BMPR1B: variants seen among roughly 807,000 people sequenced by gnomAD.
BMPR1B encodes bone morphogenetic protein receptor type-1B.
A neutral mutation model predicts 59.1 loss-of-function variants in BMPR1B; 12 were observed. The ratio of observed to expected loss-of-function variants is 0.20; its 90% CI spans 0.13 to 0.33. The LOEUF is 0.33. Ranked by LOEUF, BMPR1B falls within the 10% of genes least tolerant of loss-of-function variation. BMPR1B has a pLI of 1.00. For missense variants in BMPR1B, 550 were observed against 610.9 expected (o/e 0.90, Z 1.05); for synonymous variants, 237 against 207.3 (o/e 1.14, Z -1.23).
chr4:95,094,599 C>G (rs1333193257), intron 3 of BMPR1B, among the ~76,000 whole-genome samples: 1 of 152,070 alleles, frequency 6.6e-6, no homozygotes, highest in African/African-American at 2.4e-5. Context: ...GATTTCTCCT[C>G]CACCCCACTG....
At chr4:94,962,484 G>A (rs6823752) in intron 2 of BMPR1B, among the ~76,000 whole-genome samples, 82,679 of 151,700 alleles carry the variant, frequency 0.55, 23,291 homozygotes, top group African/African-American at 0.66. Flanking sequence ...TTTTCTCTCC[G>A]CTACCCTTGC....
chr4:94,813,318 C>T (rs367674832), intron 1 of BMPR1B, among the ~76,000 whole-genome samples: 3 of 152,076 alleles, frequency 2.0e-5, no homozygotes, highest in Non-Finnish European at 2.9e-5. Flanking sequence ...TTAAAAAAAT[C>T]GAGAACGGCC....
chr4:94,846,264 A>G (rs1246029559), intron 1 of BMPR1B, among the ~76,000 whole-genome samples: 1 of 152,346 alleles, frequency 6.6e-6, no homozygotes, highest in Middle Eastern at 3.4e-3. Flanking sequence ...ATCTCTATGC[A>G]GAAGAATGAA....
At chr4:95,021,900 A>G (rs1220344043) in intron 3 of BMPR1B, among the ~76,000 whole-genome samples, 2 of 152,230 alleles carry the variant, frequency 1.3e-5, no homozygotes, top group Non-Finnish European at 2.9e-5. Context: ...GCTTAGCTCA[A>G]AATTAATAGG....
chr4:94,975,970 G>A (rs534271381), intron 2 of BMPR1B, among the ~76,000 whole-genome samples: 181 of 152,186 alleles, frequency 1.2e-3, no homozygotes, highest in Non-Finnish European at 1.9e-3. Flanking sequence ...ACAATTTTAC[G>A]ATCTTTTCCA....
chr4:94,758,308 G>A (rs1269859493), intron 1 of BMPR1B, among the ~76,000 whole-genome samples: 1 of 151,090 alleles, frequency 6.6e-6, no homozygotes, highest in East Asian at 1.9e-4. Flanking sequence ...GGGTCAGGCG[G>A]TGGCCGCCTC....
At chr4:94,925,189 A>G (rs1027255691) in intron 2 of BMPR1B, among the ~76,000 whole-genome samples, 4 of 152,140 alleles carry the variant, frequency 2.6e-5, no homozygotes, top group African/African-American at 9.7e-5. Context: ...GACATTAAGA[A>G]TATGGATTCC....
chr4:94,913,181 A>G (rs1039342800), intron 2 of BMPR1B, among the ~76,000 whole-genome samples: 5 of 152,174 alleles, frequency 3.3e-5, no homozygotes, highest in Admixed American at 6.6e-5. Context: ...CAAGTGGGCA[A>G]CATATATGTA....
intron 2 of BMPR1B, among the ~76,000 whole-genome samples, chr4:94,931,173 C>T (rs1159090807): frequency 6.6e-6 from 1 of 152,084 alleles, no homozygotes; most frequent in African/African-American, 2.4e-5. Context: ...TTCTCCTCCT[C>T]TATTGAAAAT....
intron 3 of BMPR1B, among the ~76,000 whole-genome samples, chr4:95,085,299 G>A (rs1221802075): frequency 1.3e-5 from 2 of 152,138 alleles, no homozygotes; most frequent in Non-Finnish European, 2.9e-5. Context: ...TCGCTCCCCT[G>A]AGACAGCAAG....
intron 8 of BMPR1B, among the ~76,000 whole-genome samples, chr4:95,128,379 G>A (rs140973082): frequency 0.016 from 2,483 of 152,272 alleles, 26 homozygotes; most frequent in Non-Finnish European, 0.025. Context: ...TGCTGATCAG[G>A]TGTTATAAGA....
intron 3 of BMPR1B, among the ~76,000 whole-genome samples, chr4:95,018,206 A>G (rs541255764): frequency 7.2e-5 from 11 of 152,166 alleles, no homozygotes; most frequent in Non-Finnish European, 8.8e-5. Flanking sequence ...ATTTGCTGAT[A>G]ATTTGCATTT....
chr4:95,046,124 C>G (rs996138472), intron 3 of BMPR1B, among the ~76,000 whole-genome samples: 3 of 152,024 alleles, frequency 2.0e-5, no homozygotes, highest in African/African-American at 7.2e-5. Flanking sequence ...AGGCTAGTCT[C>G]GAACCCCTGG....
chr4:94,966,060 C>A (rs758122706), intron 2 of BMPR1B, among the ~76,000 whole-genome samples: 1 of 152,106 alleles, frequency 6.6e-6, no homozygotes, highest in Non-Finnish European at 1.5e-5. Context: ...GCTTTGCATA[C>A]CCTTAGTTTA....
intron 4 of BMPR1B, among the ~76,000 whole-genome samples, chr4:95,111,689 G>A (rs982610173): frequency 1.3e-5 from 2 of 151,962 alleles, no homozygotes; most frequent in South Asian, 2.1e-4. Flanking sequence ...GCAAGTGTAT[G>A]TTCACCTGGG....
intron 1 of BMPR1B, among the ~76,000 whole-genome samples, chr4:94,772,435 A>T (rs1372709667): frequency 6.6e-6 from 1 of 152,188 alleles, no homozygotes; most frequent in African/African-American, 2.4e-5. Flanking sequence ...AAAGCCAAGG[A>T]GTTATGAGGA....
chr4:94,929,931 T>C (rs1371465545), intron 2 of BMPR1B, among the ~76,000 whole-genome samples: 2 of 152,082 alleles, frequency 1.3e-5, no homozygotes, highest in African/African-American at 2.4e-5. Flanking sequence ...TCTGTTCTCC[T>C]TGTGGCCAAA....
intron 3 of BMPR1B, among the ~76,000 whole-genome samples, chr4:95,019,440 G>T (rs1433075475): frequency 6.6e-6 from 1 of 152,144 alleles, no homozygotes. Context: ...AAATGATATT[G>T]TTGGAAAGTA....
intron 1 of BMPR1B, among the ~76,000 whole-genome samples, chr4:94,768,842 T>G (rs2110566894): frequency 6.6e-6 from 1 of 152,304 alleles, no homozygotes; most frequent in Non-Finnish European, 1.5e-5. Flanking sequence ...CAAAGGAATG[T>G]ATTTCCATAG....
Sources: allele counts gnomAD v4.1 joint callset (sites outside exome capture counted in the v4.1 genomes callset), GRCh38; gene constraint gnomAD v4.1.1; transcripts MANE v1.5; gene names NCBI Gene and HGNC (gene_info 2026-07-23, HGNC 2026-07-21).